Variants in DYNC1LI1 observed in about 807,000 individuals in gnomAD.
DYNC1LI1 encodes dynein cytoplasmic 1 light intermediate chain 1.
In DYNC1LI1, 19 loss-of-function variants were observed where a neutral mutation model predicts 63.8. The observed-to-expected ratio is 0.30, with a 90% confidence interval of 0.21 to 0.44. The LOEUF (loss-of-function observed/expected upper bound fraction) is 0.44, where lower values mean the gene tolerates loss of function less well. Among genes scored for constraint, DYNC1LI1 ranks in the 20% least tolerant of loss-of-function variants. The pLI is 1.00. For missense variants in DYNC1LI1, 565 were observed against 630.2 expected, an observed-to-expected ratio of 0.90 and a Z score of 1.11; for synonymous variants, 225 against 232.3, an observed-to-expected ratio of 0.97 and a Z score of 0.28.
chr3:32,528,275 A>C (rs1019651219), intron 12 of DYNC1LI1, among the ~76,000 whole-genome samples, 171 bp downstream of exon 12: 4 of 152,286 alleles, frequency 2.6e-5, no homozygotes, highest in African/African-American at 9.6e-5. Context: ...GAGAAGGTTC[A>C]AGGTTTCTTT....
In DYNC1LI1 at chr3:32,570,795, C is replaced by G. The variant is rs764354979; in HGVS notation, c.-25G>C. 6.3e-7 allele frequency: 1 copy of G among 1,591,810 alleles called. No individual in the cohort carries two copies. Among genetic ancestry groups the G allele is most frequent in the Non-Finnish European group, 8.6e-7 (1 of 1,168,112 alleles). ...TCTTGGTCGGGAATCACACCACTCCCGGCAAGACTAAATGTGCGAGGCGGC... is the reference window on the plus strand; with the variant it reads ...TCTTGGTCGGGAATCACACCACTCCGGGCAAGACTAAATGTGCGAGGCGGC... On this transcript the variant is annotated 5_prime_UTR_variant, in exon 1 of 13. Transcript: ENST00000273130.
Position 32,570,259 on chromosome 3 carries a change from CA to C in DYNC1LI1, c.220+86del. 5.3e-6 allele frequency: 6 copies of C among 1,130,384 alleles called. No individual in the cohort carries two copies. The South Asian group carries it at 8.0e-5, about 15-fold the overall frequency. 70.0% of individuals were successfully genotyped at this position (1,130,384 alleles called of 1,614,324 possible). On this transcript the variant is annotated intron_variant, in intron 2 of 12. Coordinates refer to ENST00000273130, the MANE Select transcript of DYNC1LI1 (RefSeq NM_016141.4). ...GGCGGGGCTGGGCCGGCTGTCCGCA[CA>C]AAGAGAGCCAGCGAGCTAGCCCGCG...
At chr3:32,564,982 G>T (rs1399041958) in intron 2 of DYNC1LI1, among the ~76,000 whole-genome samples, 1 of 152,056 alleles carries the variant, frequency 6.6e-6, no homozygotes, top group African/African-American at 2.4e-5. Flanking sequence ...ATTCCTGAAG[G>T]GGGGGAAAAA....
At chr3:32,531,318 T>A (rs1344283208) in intron 8 of DYNC1LI1, 1 of 152,510 alleles carries the variant, frequency 6.6e-6, no homozygotes, top group Non-Finnish European at 1.5e-5. Flanking sequence ...CCTCATACAT[T>A]TCTGCCTCAG....
intron 12 of DYNC1LI1, 34 bp downstream of exon 12, chr3:32,528,411 AT>A: frequency 3.1e-6 from 5 of 1,612,838 alleles, no homozygotes; most frequent in Non-Finnish European, 4.2e-6. Flanking sequence ...AAAAGCTGTT[AT>A]TTTAAACAAG....
chr3:32,560,765 A>T (rs1698179042), intron 2 of DYNC1LI1, among the ~76,000 whole-genome samples: 1 of 152,054 alleles, frequency 6.6e-6, no homozygotes, highest in African/African-American at 2.4e-5. Context: ...GCACTTTGGG[A>T]GGATGAGGCA....
At chr3:32,565,164 C>G (rs1014182790) in intron 2 of DYNC1LI1, among the ~76,000 whole-genome samples, 2 of 152,058 alleles carry the variant, frequency 1.3e-5, no homozygotes, top group African/African-American at 4.8e-5. Context: ...TTTCAATATG[C>G]CTTAAAACAT....
intron 7 of DYNC1LI1, 28 bp downstream of exon 7, chr3:32,534,483 A>G: frequency 6.7e-7 from 1 of 1,483,118 alleles, no homozygotes; most frequent in Non-Finnish European, 9.2e-7. Flanking sequence ...AATACATGAT[A>G]AAATTATATA....
chr3:32,533,560 G>A (rs567879750), intron 7 of DYNC1LI1, among the ~76,000 whole-genome samples: 258 of 148,824 alleles, frequency 1.7e-3, no homozygotes, highest in African/African-American at 6.0e-3. Context: ...AATTTTATAC[G>A]GTTACCTTTT....
intron 4 of DYNC1LI1, among the ~76,000 whole-genome samples, chr3:32,541,908 T>C (rs890923215): frequency 3.3e-5 from 5 of 152,162 alleles, no homozygotes; most frequent in African/African-American, 1.2e-4. Flanking sequence ...TCTTCATGTA[T>C]AAAAGCAAAA....
intron 5 of DYNC1LI1, among the ~76,000 whole-genome samples, chr3:32,538,023 TTTATATATATA>T (rs1697817428): frequency 1.2e-4 from 2 of 16,924 alleles, no homozygotes; most frequent in Non-Finnish European, 1.7e-4. Context: ...ATATATATAA[TTTATATATATA>T]ATATATATAT....
chr3:32,541,982 C>A (rs148335329), intron 4 of DYNC1LI1, among the ~76,000 whole-genome samples: 1 of 152,158 alleles, frequency 6.6e-6, no homozygotes, highest in East Asian at 1.9e-4. Flanking sequence ...AAATTATACA[C>A]AACCATAAGA....
At chr3:32,547,684 T>A (rs1168045897) in intron 2 of DYNC1LI1, among the ~76,000 whole-genome samples, 4 of 152,202 alleles carry the variant, frequency 2.6e-5, no homozygotes, top group Admixed American at 2.0e-4. Flanking sequence ...GCAGACTGGT[T>A]CTTTTTATGA....
chr3:32,534,868 G>T (rs1398756039), intron 6 of DYNC1LI1, among the ~76,000 whole-genome samples: 1 of 152,148 alleles, frequency 6.6e-6, no homozygotes, highest in African/African-American at 2.4e-5. Flanking sequence ...AACTTAGGAA[G>T]GCAGAAGTCT....
chr3:32,560,432 C>CA (rs1287929230), intron 2 of DYNC1LI1, among the ~76,000 whole-genome samples: 1 of 151,838 alleles, frequency 6.6e-6, no homozygotes, highest in Non-Finnish European at 1.5e-5. Context: ...GACTCTGTCT[C>CA]AAAAAATAAA....
At chr3:32,535,639 TC>T (rs1697764049) in intron 6 of DYNC1LI1, among the ~76,000 whole-genome samples, 1 of 152,184 alleles carries the variant, frequency 6.6e-6, no homozygotes. Flanking sequence ...TTAATGCTCT[TC>T]CCCACAATGA....
intron 6 of DYNC1LI1, among the ~76,000 whole-genome samples, chr3:32,535,624 T>C (rs573285665): frequency 6.6e-6 from 1 of 152,320 alleles, no homozygotes; most frequent in South Asian, 2.1e-4. Context: ...TGTATTAACT[T>C]TGCATTAATG....
Position 32,526,061 on chromosome 3 carries a change from C to G in DYNC1LI1, c.*738G>C, listed in dbSNP as rs1697611535. On this transcript the variant is annotated 3_prime_UTR_variant, in exon 13 of 13. Transcript: ENST00000273130. ...AAAAAGGGGGTATATTAAGGCAAAG[C>G]CATATATATATATATATATGTATAG... is the stretch of plus-strand genomic sequence containing the variant. The G allele has an allele frequency of 1.4e-5, 2 of 146,336 alleles. No homozygotes were observed. Among genetic ancestry groups the G allele is most frequent in the Non-Finnish European group, 3.0e-5 (2 of 66,864 alleles). The allele number at this position is 146,336 out of a possible 1,614,324, so 9.1% of individuals were successfully genotyped here.
chr3:32,562,878 C>T (rs1191683137), intron 2 of DYNC1LI1, among the ~76,000 whole-genome samples: 3 of 152,156 alleles, frequency 2.0e-5, no homozygotes, highest in Non-Finnish European at 4.4e-5. Context: ...TTCGTCAGGA[C>T]TCCTTCCGCC....
Sources: allele counts gnomAD v4.1 joint callset (sites outside exome capture counted in the v4.1 genomes callset), GRCh38; gene constraint gnomAD v4.1.1; transcripts MANE v1.5; gene names NCBI Gene and HGNC (gene_info 2026-07-23, HGNC 2026-07-21).